Variants in MDGA2 observed in about 807,000 individuals in gnomAD.
MDGA2 encodes the protein MAM domain containing glycosylphosphatidylinositol anchor 2, also known as MAM domain-containing glycosylphosphatidylinositol anchor protein 2.
Under a neutral mutation model 117.8 loss-of-function variants are expected in MDGA2, and 40 were observed. The observed-to-expected ratio is 0.34, with a 90% confidence interval of 0.26 to 0.44. The LOEUF (loss-of-function observed/expected upper bound fraction) is 0.44. Among genes scored for constraint, MDGA2 ranks in the 20% least tolerant of loss-of-function variants. The pLI is 1.00. For missense variants in MDGA2, 1,123 were observed against 1,250.6 expected (o/e 0.90, Z 1.54); for synonymous variants, 452 against 439.0 (o/e 1.03, Z -0.37).
intron 5 of MDGA2, among the ~76,000 whole-genome samples, chr14:47,121,359 A>G (rs1881640674): frequency 6.6e-6 from 1 of 152,114 alleles, no homozygotes; most frequent in Non-Finnish European, 1.5e-5. Context: ...TGTAATAAAC[A>G]TACTCACTCT....
intron 1 of MDGA2, among the ~76,000 whole-genome samples, chr14:47,394,058 TC>T (rs1891954350): frequency 6.6e-6 from 1 of 152,158 alleles, no homozygotes; most frequent in Admixed American, 6.6e-5. Context: ...CTCCCTTTTT[TC>T]CCCTTATGAA....
chr14:47,039,040 A>G (rs983382731), intron 7 of MDGA2, among the ~76,000 whole-genome samples: 32 of 152,100 alleles, frequency 2.1e-4, no homozygotes, highest in African/African-American at 7.5e-4. Flanking sequence ...TAATTTCTCA[A>G]ACCTGTTATA....
chr14:47,213,820 T>G (rs1885975400), intron 3 of MDGA2, among the ~76,000 whole-genome samples: 1 of 152,230 alleles, frequency 6.6e-6, no homozygotes, highest in Non-Finnish European at 1.5e-5. Context: ...GGGTAATTCA[T>G]GAAAGAAAGA....
At chr14:47,054,987 A>ATT (rs377004443) in intron 7 of MDGA2, among the ~76,000 whole-genome samples, 2 of 131,036 alleles carry the variant, frequency 1.5e-5, no homozygotes, top group African/African-American at 5.7e-5. Context: ...CCGTTGTCCA[A>ATT]TTTTTTTTTC....
At chr14:46,975,565 T>C (rs926314216) in intron 8 of MDGA2, among the ~76,000 whole-genome samples, 3 of 152,104 alleles carry the variant, frequency 2.0e-5, no homozygotes, top group African/African-American at 7.2e-5. Context: ...TTTGAGGACA[T>C]TATGCTAGGT....
chr14:47,224,755 G>T lies in MDGA2; in HGVS notation c.421-6560C>A, dbSNP rs185636579. Among the ~76,000 whole-genome samples, 18 of 152,290 alleles carry T rather than the reference G, an allele frequency of 1.2e-4. No individual in the cohort carries two copies. The East Asian group carries it at 3.5e-3, about 29-fold the overall frequency. On this transcript the variant is annotated intron_variant, in intron 2 of 16. Coordinates refer to ENST00000399232, the MANE Select transcript of MDGA2 (RefSeq NM_001113498.3). The stretch of plus-strand genomic sequence containing the variant: ...GGGAACTAAACCTAAAAAGGTTACA[G>T]AGTGCCAGCCTGCAAGAATATTAAG...
chr14:47,354,340 C>A (rs1052433570), intron 1 of MDGA2, among the ~76,000 whole-genome samples: 2 of 152,128 alleles, frequency 1.3e-5, no homozygotes, highest in Non-Finnish European at 2.9e-5. Context: ...GCAACCACTG[C>A]ACATTGAGTT....
At chr14:47,226,670 A>T (rs1594738872) in intron 2 of MDGA2, among the ~76,000 whole-genome samples, 1 of 152,290 alleles carries the variant, frequency 6.6e-6, no homozygotes, top group Admixed American at 6.5e-5. Context: ...AATGCTGGAA[A>T]TGAATGCAAT....
intron 1 of MDGA2, among the ~76,000 whole-genome samples, chr14:47,474,069 T>C (rs1862206854): frequency 1.3e-5 from 2 of 152,178 alleles, no homozygotes; most frequent in South Asian, 4.1e-4. Context: ...CACGATCCTA[T>C]ATCTAGAAAA....
At chr14:47,636,780 G>A (rs111834787) in intron 1 of MDGA2, among the ~76,000 whole-genome samples, 14,148 of 85,796 alleles carry the variant, frequency 0.16, 951 homozygotes, top group East Asian at 0.26. Context: ...GCGAGACTCC[G>A]TCTCAAAAAA....
intron 12 of MDGA2, among the ~76,000 whole-genome samples, chr14:46,874,465 T>C (rs1258344259): frequency 1.3e-5 from 2 of 151,858 alleles, no homozygotes; most frequent in African/African-American, 4.8e-5. Context: ...TCCAGATAAC[T>C]GAAATTAAAG....
intron 7 of MDGA2, among the ~76,000 whole-genome samples, chr14:47,047,244 A>G (rs1889298805): frequency 6.6e-6 from 1 of 152,086 alleles, no homozygotes; most frequent in Non-Finnish European, 1.5e-5. Flanking sequence ...AGACTTGTAA[A>G]TTTACAAGAT....
intron 14 of MDGA2, among the ~76,000 whole-genome samples, chr14:46,857,109 T>C (rs1881298856): frequency 6.6e-6 from 1 of 152,214 alleles, no homozygotes; most frequent in Non-Finnish European, 1.5e-5. Flanking sequence ...ATTGTAAACC[T>C]TACCTTCCGG....
At chr14:47,245,876 AT>A (rs1887219349) in intron 2 of MDGA2, among the ~76,000 whole-genome samples, 1 of 151,792 alleles carries the variant, frequency 6.6e-6, no homozygotes, top group Non-Finnish European at 1.5e-5. Context: ...CCATTCAAGC[AT>A]TTTTAGGAAC....
intron 8 of MDGA2, among the ~76,000 whole-genome samples, chr14:47,005,371 C>T (rs184216657): frequency 6.6e-5 from 10 of 151,604 alleles, no homozygotes; most frequent in Admixed American, 5.9e-4. Flanking sequence ...AAGAAGCATA[C>T]GGATTTTTTT....
At chr14:47,217,679 A>G (rs1015423121) in intron 3 of MDGA2, among the ~76,000 whole-genome samples, 1 of 152,094 alleles carries the variant, frequency 6.6e-6, no homozygotes, top group African/African-American at 2.4e-5. Flanking sequence ...GCATGATCCT[A>G]TTTTAATAAA....
intron 5 of MDGA2, among the ~76,000 whole-genome samples, chr14:47,116,625 G>C (rs1290318130): frequency 1.3e-5 from 2 of 151,874 alleles, no homozygotes; most frequent in Non-Finnish European, 2.9e-5. Context: ...TGTTTGACAA[G>C]TGGGTCAAGA....
At chr14:47,523,830 T>C in intron 1 of MDGA2, among the ~76,000 whole-genome samples, 1 of 152,200 alleles carries the variant, frequency 6.6e-6, no homozygotes, top group East Asian at 1.9e-4. Flanking sequence ...CCTTAGTTTG[T>C]CACTGAAACG....
chr14:47,528,884 A>AATATCT (rs1895031147), intron 1 of MDGA2, among the ~76,000 whole-genome samples: 1 of 152,198 alleles, frequency 6.6e-6, no homozygotes, highest in Admixed American at 6.5e-5. Context: ...AAATAATCTA[A>AATATCT]ATATCTACTC....
Sources: allele counts gnomAD v4.1 joint callset (sites outside exome capture counted in the v4.1 genomes callset), GRCh38; gene constraint gnomAD v4.1.1; transcripts MANE v1.5; gene names NCBI Gene and HGNC (gene_info 2026-07-23, HGNC 2026-07-21).